ATAD2: variants seen among roughly 807,000 people sequenced by gnomAD.
ATAD2 encodes ATPase family AAA domain-containing protein 2.
ATAD2 carries 62 observed loss-of-function variants against 168.9 expected under a neutral mutation model. The ratio of observed to expected loss-of-function variants is 0.37; its 90% confidence interval spans 0.30 to 0.45. ATAD2 has a LOEUF of 0.45. Among genes scored for constraint, ATAD2 ranks in the 20% least tolerant of loss-of-function variants. The pLI is 1.00. For missense variants in ATAD2, 1,419 were observed against 1,667.8 expected (o/e 0.85, Z 2.60); for synonymous variants, 613 against 571.6 (o/e 1.07, Z -1.03).
At position 123,369,220 on chromosome 8, in the gene ATAD2, T is replaced by C; in HGVS notation, c.932-45A>G. The stretch of plus-strand genomic sequence containing the variant: ...ATATATATTTGTATATATATATATA[T>C]ATGGCATACAAATATGTATGAAGAT... On this transcript the variant is annotated intron_variant, in intron 7 of 27. Coordinates refer to ENST00000287394, the MANE Select transcript of ATAD2 (RefSeq NM_014109.4). The C allele has an allele frequency of 1.2e-5, 9 of 729,576 alleles. 1 individual carries two copies. The highest frequency in any genetic ancestry group is 1.7e-5 in the Non-Finnish European group (9 of 545,422). 45.2% of individuals were successfully genotyped at this position (729,576 alleles called of 1,614,324 possible).
rs752444051 is a variant in ATAD2, at chr8:123,361,508, T to C, written c.1157+31A>G. 11 of 1,535,092 alleles carry C rather than the reference T, an allele frequency of 7.2e-6. No individual in the cohort carries two copies. In the East Asian group the frequency reaches 2.0e-4, roughly 29 times the overall value. On this transcript the variant is annotated intron_variant, in intron 9 of 27. Transcript: ENST00000287394. ...AGCAATTTTTACAAAATGTGTCTGCTAGTTTAAAAAGGCATCAATATGGCA... is the reference window on the plus strand; with the variant it reads ...AGCAATTTTTACAAAATGTGTCTGCCAGTTTAAAAAGGCATCAATATGGCA...
intron 24 of ATAD2, 25 bp from the exon 25 acceptor site, chr8:123,328,604 A>C (rs1827680959): frequency 5.3e-6 from 8 of 1,499,930 alleles, no homozygotes; most frequent in Non-Finnish European, 6.2e-6. Context: ...AAGAAAAATG[A>C]TGAAAGAACA....
chr8:123,371,825 A>C lies in ATAD2; in HGVS notation c.381T>G (p.Ile127Met). ...KKEEHREDKV[I>M]PVTRSLRARN... ...TAGCCCTCAATGACCGAGTAACTGG[A>C]ATCACTTTGTCTTCACAAATGCATA... Residue 127 changes from isoleucine (I) to methionine (M), a missense_variant, in exon 4 of 28, where the codon ATT becomes ATG. Physicochemically the swap from Ile to Met is conservative, Grantham distance 10 (BLOSUM62 1). Around this residue, in one of 5 missense-constraint regions of ATAD2, gnomAD observed 419 missense variants for 423.5 expected, o/e 0.99. Coordinates refer to ENST00000287394, the MANE Select transcript of ATAD2 (RefSeq NM_014109.4). The C allele has an allele frequency of 6.3e-7, 1 of 1,598,942 alleles. No individual in the cohort carries two copies. Among genetic ancestry groups the C allele is most frequent in the Non-Finnish European group, 8.5e-7 (1 of 1,175,164 alleles).
intron 1 of ATAD2, chr8:123,380,922 CA>C (rs1423756140): frequency 2.4e-6 from 1 of 417,936 alleles, no homozygotes; most frequent in African/African-American, 2.0e-5. Flanking sequence ...ACAAGTAGTT[CA>C]TAACCACTTT....
At chr8:123,347,043 C>T in intron 16 of ATAD2, 49 bp downstream of exon 16, 3 of 1,501,608 alleles carry the variant, frequency 2.0e-6, no homozygotes, top group Non-Finnish European at 1.8e-6. Flanking sequence ...AAACATTTCA[C>T]TTTACTGATT....
At chr8:123,416,234 T>C (rs939792164) in intron 1 of ATAD2, 3 of 152,506 alleles carry the variant, frequency 2.0e-5, no homozygotes, top group African/African-American at 7.2e-5. Flanking sequence ...ACCTCTGTTA[T>C]TTCAGTGTCT....
intron 13 of ATAD2, among the ~76,000 whole-genome samples, chr8:123,355,138 G>A (rs1359525296): frequency 6.6e-6 from 1 of 151,812 alleles, no homozygotes; most frequent in Non-Finnish European, 1.5e-5. Flanking sequence ...CTTTTACCAT[G>A]GTACTTAACA....
intron 4 of ATAD2, 24 bp downstream of exon 4, chr8:123,371,646 T>C: frequency 1.9e-6 from 3 of 1,579,262 alleles, no homozygotes; most frequent in Non-Finnish European, 2.6e-6. Context: ...ATAAATCATC[T>C]TGATCTAAGG....
At chr8:123,401,138 C>G (rs1812990978), upstream of ATAD2, 2 of 1,214,606 alleles carry the variant, frequency 1.6e-6, no homozygotes, top group South Asian at 2.4e-5. Context: ...CTGGTGGTGG[C>G]TCCAGCAGGA....
At chr8:123,394,262 G>A (rs1812724634) in intron 1 of ATAD2, among the ~76,000 whole-genome samples, 1 of 152,116 alleles carries the variant, frequency 6.6e-6, no homozygotes, top group Admixed American at 6.6e-5. Context: ...CATTTAACAA[G>A]TGTAGAAACC....
chr8:123,371,586 T>C, intron 4 of ATAD2, 84 bp downstream of exon 4: 1 of 1,267,404 alleles, frequency 7.9e-7, no homozygotes, highest in Non-Finnish European at 1.1e-6. Context: ...CATTAAATGT[T>C]TGGGCTGGTT....
chr8:123,348,043 T>G (rs963181415), intron 15 of ATAD2, 140 bp downstream of exon 15: 6 of 716,310 alleles, frequency 8.4e-6, no homozygotes, highest in African/African-American at 5.5e-5. Flanking sequence ...TCTTTATTAG[T>G]CTGGTGCAAA....
intron 11 of ATAD2, among the ~76,000 whole-genome samples, chr8:123,358,523 T>G (rs1186974221): frequency 6.6e-6 from 1 of 151,994 alleles, no homozygotes; most frequent in East Asian, 1.9e-4. Context: ...TTTTTGGGTA[T>G]TTTTAGTAAA....
At chr8:123,405,292 T>C (rs1700635612) in intron 1 of ATAD2, among the ~76,000 whole-genome samples, 1 of 151,422 alleles carries the variant, frequency 6.6e-6, no homozygotes, top group South Asian at 2.1e-4. Context: ...GTTTTGCTCT[T>C]GTTGCCCAGG....
intron 1 of ATAD2, among the ~76,000 whole-genome samples, chr8:123,384,402 CTT>C (rs1829587148): frequency 6.6e-6 from 1 of 152,130 alleles, no homozygotes; most frequent in Non-Finnish European, 1.5e-5. Context: ...GCTTTAGGAG[CTT>C]TTAATGCTTA....
chr8:123,401,453 C>T (rs993823942), intron 1 of ATAD2: 4 of 1,468,888 alleles, frequency 2.7e-6, no homozygotes, highest in East Asian at 2.3e-5. Context: ...AACAGAAGTA[C>T]TCCCACCTCC....
At chr8:123,412,990 A>C (rs890111793) in intron 1 of ATAD2, among the ~76,000 whole-genome samples, 1 of 152,106 alleles carries the variant, frequency 6.6e-6, no homozygotes, top group African/African-American at 2.4e-5. Flanking sequence ...CATTTACTAA[A>C]AGGGCTTAGA....
At chr8:123,403,680 T>C (rs973736887) in intron 1 of ATAD2, among the ~76,000 whole-genome samples, 1 of 152,102 alleles carries the variant, frequency 6.6e-6, no homozygotes, top group African/African-American at 2.4e-5. Flanking sequence ...ATTGGCTCTT[T>C]GGTGAGAATG....
At chr8:123,413,661 G>A (rs1244683788) in intron 1 of ATAD2, among the ~76,000 whole-genome samples, 2 of 152,078 alleles carry the variant, frequency 1.3e-5, no homozygotes, top group Non-Finnish European at 2.9e-5. Context: ...AAGAGCTCAT[G>A]GCAGAGGTAG....
Sources: gnomAD v4.1 joint callset for allele counts (sites outside exome capture counted in the v4.1 genomes callset) on GRCh38, gnomAD v4.1.1 for gene constraint, gnomAD v4.1.1 regional missense constraint, MANE v1.5 for transcripts, NCBI Gene and HGNC (gene_info 2026-07-23, HGNC 2026-07-21) for gene names.